Variants in ALDH3B2 observed in about 807,000 individuals in gnomAD.
ALDH3B2 encodes aldehyde dehydrogenase family 3 member B2.
Under a neutral mutation model 36.7 loss-of-function variants are expected in ALDH3B2, and 45 were observed. That is an observed-to-expected ratio of 1.23 (90% CI 0.97 to 1.57). The LOEUF (loss-of-function observed/expected upper bound fraction) is 1.57. Among genes scored for constraint, ALDH3B2 ranks in the 40% most tolerant of loss-of-function variants. ALDH3B2 has a pLI of 0.00. For synonymous variants in ALDH3B2, 217 were observed against 226.5 expected, an observed-to-expected ratio of 0.96 and a Z score of 0.38; for missense variants, 464 against 513.3, an observed-to-expected ratio of 0.90 and a Z score of 0.93.
At chr11:67,680,886 CCCT>C (rs757948506) in intron 1 of ALDH3B2, among the ~76,000 whole-genome samples, 2 of 152,178 alleles carry the variant, frequency 1.3e-5, no homozygotes, top group Non-Finnish European at 2.9e-5. Context: ...CAAGCACCCT[CCCT>C]CTGGGCCCAG....
intron 3 of ALDH3B2, 85 bp downstream of exon 3, chr11:67,666,821 C>T (rs993939387): frequency 2.4e-5 from 38 of 1,610,204 alleles, no homozygotes; most frequent in East Asian, 6.7e-5. Flanking sequence ...GTGACTCGCC[C>T]GGGGCCTCAG....
At chr11:67,677,866 A>G (rs1856298808), upstream of ALDH3B2, among the ~76,000 whole-genome samples, 1 of 152,158 alleles carries the variant, frequency 6.6e-6, no homozygotes. Flanking sequence ...GCAAAAAAAC[A>G]AACAAAAAAA....
chr11:67,674,160 C>CCCTGGGGCT lies in ALDH3B2; in HGVS notation c.-245+268_-245+276dup, dbSNP rs1201797138. Among the ~76,000 whole-genome samples the CCCTGGGGCT allele has an allele frequency of 2.8e-4, 42 of 152,302 alleles. 1 individual carries two copies. The highest frequency in any genetic ancestry group is 9.9e-4 in the African/African-American group (41 of 41,558). On this transcript the variant is annotated intron_variant, in intron 1 of 9. Transcript: ENST00000349015. ...AAGGGAGGACGGGGTCTGTCCCCAT[C>CCCTGGGGCT]CCTGGGGCTCCTGGGGAACAGGCTT... is the stretch of plus-strand genomic sequence containing the variant.
intron 4 of ALDH3B2, 44 bp downstream of exon 4, chr11:67,666,530 G>T (rs1206167244): frequency 1.2e-6 from 2 of 1,612,140 alleles, no homozygotes; most frequent in Non-Finnish European, 1.7e-6. Flanking sequence ...TTTGGGAGGG[G>T]CTACTGGGCG....
rs185723167 is a variant in ALDH3B2 at position 67,667,427 on chromosome 11, G to A, written c.-82+46C>T. 451 of 352,068 alleles carry A rather than the reference G, an allele frequency of 1.3e-3. 2 individuals are homozygous for A. Among genetic ancestry groups the A allele is most frequent in the East Asian group, 7.5e-3 (152 of 20,202 alleles). The allele number at this position is 352,068 out of a possible 1,614,324, so 21.8% of individuals were successfully genotyped here. A position where few individuals can be genotyped will look rare whatever the true frequency, so the allele number is the denominator to read the frequency against. On this transcript the variant is annotated intron_variant, in intron 2 of 9. Coordinates refer to ENST00000349015, the Ensembl canonical transcript of ALDH3B2. ...GCACGGGCCCTCCTGAAAGAGGACA[G>A]GGACGCTGCTCCAGCCCCTGCCGGG...
chr11:67,679,561 C>G (rs1856332783), upstream of ALDH3B2, among the ~76,000 whole-genome samples: 1 of 151,830 alleles, frequency 6.6e-6, no homozygotes. Context: ...GGGAAGATCA[C>G]TAGGTCAGGA....
upstream of ALDH3B2, among the ~76,000 whole-genome samples, chr11:67,676,291 A>C (rs1049134900): frequency 2.0e-5 from 3 of 152,158 alleles, no homozygotes; most frequent in African/African-American, 4.8e-5. Context: ...ACTGGAAATC[A>C]ACTCCAAAAA....
At chr11:67,664,413 A>C in exon 8 of ALDH3B2, 1 of 1,614,118 alleles carries the variant, frequency 6.2e-7, no homozygotes, top group South Asian at 1.1e-5. Flanking sequence ...CTGTTGGAGA[A>C]GGCGTACAGG....
upstream of ALDH3B2, among the ~76,000 whole-genome samples, chr11:67,676,132 A>G (rs1268573979): frequency 6.6e-6 from 1 of 152,170 alleles, no homozygotes; most frequent in Non-Finnish European, 1.5e-5. Flanking sequence ...CTGTAATCCC[A>G]GCTACTCGGG....
At chr11:67,673,561 A>G (rs554181138) in intron 1 of ALDH3B2, among the ~76,000 whole-genome samples, 1 of 152,348 alleles carries the variant, frequency 6.6e-6, no homozygotes, top group Non-Finnish European at 1.5e-5. Context: ...ATGCTGAGAA[A>G]TAAGACACAC....
At chr11:67,678,789 T>C (rs964559893), upstream of ALDH3B2, among the ~76,000 whole-genome samples, 2 of 117,180 alleles carry the variant, frequency 1.7e-5, no homozygotes, top group African/African-American at 6.3e-5. Context: ...ATACATACTA[T>C]GGTATATATA....
At chr11:67,671,764 A>G (rs1243242877) in intron 1 of ALDH3B2, among the ~76,000 whole-genome samples, 1 of 150,828 alleles carries the variant, frequency 6.6e-6, no homozygotes, top group East Asian at 2.0e-4. Context: ...GCTGGTCTTG[A>G]ACTCCTGACC....
chr11:67,664,178 G>T, intron 8 of ALDH3B2: 1 of 698,524 alleles, frequency 1.4e-6, no homozygotes, highest in Non-Finnish European at 2.4e-6. Context: ...CTCTGGCCAG[G>T]ACAGAGGATG....
chr11:67,666,913 G>A (rs1398960450), exon 3 of ALDH3B2: 12 of 1,614,080 alleles, frequency 7.4e-6, no homozygotes, highest in African/African-American at 5.3e-5. Context: ...CACCAGGTTC[G>A]TGGACCGTGG....
chr11:67,676,361 G>A (rs186909467), upstream of ALDH3B2, among the ~76,000 whole-genome samples: 1 of 152,124 alleles, frequency 6.6e-6, no homozygotes, highest in Non-Finnish European at 1.5e-5. Flanking sequence ...AATGAGCATT[G>A]GGTCAAAAAC....
chr11:67,666,953 T>G, exon 3 of ALDH3B2: 1 of 1,614,134 alleles, frequency 6.2e-7, no homozygotes. Context: ...TGCAGGTTCT[T>G]GAGAGCGTAG....
intron 1 of ALDH3B2, among the ~76,000 whole-genome samples, chr11:67,670,303 C>A (rs61894526): frequency 6.6e-4 from 65 of 98,764 alleles, no homozygotes; most frequent in Middle Eastern, 0.013. Context: ...TGTCTGTATG[C>A]GTATGGGTGT....
exon 10 of ALDH3B2, chr11:67,662,759 G>A: frequency 5.2e-6 from 1 of 191,808 alleles, no homozygotes; most frequent in Non-Finnish European, 1.1e-5. Flanking sequence ...ATCCCTGGGG[G>A]AGGCAGTGCT....
chr11:67,664,390 C>A lies in ALDH3B2; in HGVS notation c.873+6G>T. On this transcript the variant is annotated splice_donor_region_variant and intron_variant, in intron 8 of 9. Coordinates refer to ENST00000349015, the Ensembl canonical transcript of ALDH3B2. ...TCCATTGCCCCCAACCCGGCCGCAC[C>A]CCCACCTGGCTGCTGTTGGAGAAGG... 6.2e-7 allele frequency: 1 copy of A among 1,614,048 alleles called. No homozygotes were observed. The highest frequency in any genetic ancestry group is 8.5e-7 in the Non-Finnish European group (1 of 1,180,002).
Sources: allele counts gnomAD v4.1 joint callset (sites outside exome capture counted in the v4.1 genomes callset), GRCh38; gene constraint gnomAD v4.1.1; transcripts MANE v1.5; gene names NCBI Gene and HGNC (gene_info 2026-07-23, HGNC 2026-07-21).